ZNF778: variants seen among roughly 807,000 people sequenced by gnomAD.
ZNF778 encodes zinc finger protein 778.
ZNF778 carries 37 observed loss-of-function variants against 23.9 expected under a neutral mutation model. The ratio of observed to expected loss-of-function variants is 1.54; its 90% confidence interval spans 1.19 to 2.03. ZNF778 has a LOEUF of 2.03. ZNF778 is among the 30% of genes most tolerant of loss of function. The pLI is 0.00. For synonymous variants in ZNF778, 483 were observed against 343.9 expected, an observed-to-expected ratio of 1.40 and a Z score of -4.48; for missense variants, 1,297 against 934.4, an observed-to-expected ratio of 1.39 and a Z score of -5.06.
Position 89,235,455 on chromosome 16 carries a change from G to A in ZNF778, c.*6893G>A, listed in dbSNP as rs543306666. The A allele has an allele frequency of 6.6e-6, 1 of 152,324 alleles. No homozygotes were observed. The highest frequency in any genetic ancestry group is 1.9e-4 in the East Asian group (1 of 5,186). 9.4% of individuals were successfully genotyped at this position (152,324 alleles called of 1,614,324 possible). A position where few individuals can be genotyped will look rare whatever the true frequency, so the allele number is the denominator to read the frequency against. On this transcript the variant is annotated 3_prime_UTR_variant, in exon 7 of 7. Transcript: ENST00000433976. Reference sequence around the variant, plus strand: ...CTGTAGGTGGACGAGCCTCGCCCGAGAAGAGACATGAGCAGTTCTGCGTAG... The same window carrying A: ...CTGTAGGTGGACGAGCCTCGCCCGAAAAGAGACATGAGCAGTTCTGCGTAG...
rs2031134937 is a variant in ZNF778, at chr16:89,223,171, T to C, written c.132T>C (p.Phe44=). 3 of 1,613,632 alleles carry C rather than the reference T, an allele frequency of 1.9e-6. No homozygotes were observed. The highest frequency in any genetic ancestry group is 1.3e-5 in the African/African-American group (1 of 74,882). Residue 44 remains phenylalanine, a synonymous_variant, in exon 4 of 7, where the codon TTT becomes TTC. Coordinates refer to ENST00000433976, the MANE Select transcript of ZNF778 (RefSeq NM_001201407.2). The part of the protein sequence containing the change: ...LINCYQDAVT[F]DDVAVDFTQE... ...TGATGATTTAGGACGCGGTGACCTTTGACGACGTGGCTGTGGACTTCACCC... is the reference window on the plus strand; with the variant it reads ...TGATGATTTAGGACGCGGTGACCTTCGACGACGTGGCTGTGGACTTCACCC...
In ZNF778 at chr16:89,232,687, C is replaced by A; in HGVS notation, c.*4125C>A. ...GGTACATTTTCATCCTGGGGTCTTG[C>A]TGTGGGGGCTAGACCGTCCCTCTCA... On this transcript the variant is annotated 3_prime_UTR_variant, in exon 7 of 7. Coordinates refer to ENST00000433976, the MANE Select transcript of ZNF778 (RefSeq NM_001201407.2). The A allele has an allele frequency of 1.6e-6, 2 of 1,243,882 alleles. No individual in the cohort carries two copies. The highest frequency in any genetic ancestry group is 2.1e-6 in the Non-Finnish European group (2 of 962,088). 77.1% of individuals were successfully genotyped at this position (1,243,882 alleles called of 1,614,324 possible).
chr16:89,228,944 G>T lies in ZNF778; in HGVS notation c.*382G>T. 9.9e-7 allele frequency: 1 copy of T among 1,005,102 alleles called. No homozygotes were observed. The highest frequency in any genetic ancestry group is 4.3e-5 in the South Asian group (1 of 22,996). The allele number at this position is 1,005,102 out of a possible 1,614,324, so 62.3% of individuals were successfully genotyped here. ...CATCTTTCCTCACCCTTTAGTAAAC[G>T]TGGTGATTGACACTTGAAGTGTTGT... On this transcript the variant is annotated 3_prime_UTR_variant, in exon 7 of 7. Transcript: ENST00000433976.
At chr16:89,224,929 G>A (rs1446834658) in intron 5 of ZNF778, 127 bp downstream of exon 5, 7 of 682,038 alleles carry the variant, frequency 1.0e-5, no homozygotes, top group Middle Eastern at 3.9e-4. Flanking sequence ...CCTGAGTGTC[G>A]AGTTTAGCGG....
rs1441884643 is a variant in ZNF778 at position 89,233,591 on chromosome 16, ACT to A, written c.*5031_*5032del. The A allele has an allele frequency of 8.9e-7, 1 of 1,127,608 alleles. No individual in the cohort carries two copies. Among genetic ancestry groups the A allele is most frequent in the South Asian group, 1.4e-5 (1 of 71,264 alleles). 69.9% of individuals were successfully genotyped at this position (1,127,608 alleles called of 1,614,324 possible). On this transcript the variant is annotated 3_prime_UTR_variant, in exon 7 of 7. Coordinates refer to ENST00000433976, the MANE Select transcript of ZNF778 (RefSeq NM_001201407.2). ...CAGCTCGCACTGCATATGCAACGCA[ACT>A]CAACTCATACTGCATATGCAACTCA...
Position 89,231,905 on chromosome 16 carries a change from C to T in ZNF778, c.*3343C>T, listed in dbSNP as rs559083638. On this transcript the variant is annotated 3_prime_UTR_variant, in exon 7 of 7. Coordinates refer to ENST00000433976, the MANE Select transcript of ZNF778 (RefSeq NM_001201407.2). ...ATACTAACTGTTTGCTTCATACCCT[C>T]CTGCAGCAGAACTACAGACCTGCCA... The T allele has an allele frequency of 8.5e-5, 13 of 152,348 alleles. No individual in the cohort carries two copies. The highest frequency in any genetic ancestry group is 1.6e-4 in the Non-Finnish European group (11 of 68,170). The allele number at this position is 152,348 out of a possible 1,614,324, so 9.4% of individuals were successfully genotyped here.
chr16:89,232,722 A>C lies in ZNF778; in HGVS notation c.*4160A>C. ...TAGACCGTCCCTCTCAGGCTAGATC[A>C]TTCCTAAAGATGGTAAACAACTTGC... On this transcript the variant is annotated 3_prime_UTR_variant, in exon 7 of 7. Coordinates refer to ENST00000433976, the MANE Select transcript of ZNF778 (RefSeq NM_001201407.2). The C allele has an allele frequency of 7.8e-7, 1 of 1,278,114 alleles. No homozygotes were observed. 79.2% of individuals were successfully genotyped at this position (1,278,114 alleles called of 1,614,324 possible).
At chr16:89,225,411 C>T (rs2031384662) in intron 5 of ZNF778, 144 bp from the exon 6 acceptor site, 3 of 590,848 alleles carry the variant, frequency 5.1e-6, no homozygotes, top group Admixed American at 3.1e-5. Context: ...TAAATTATGA[C>T]TCCCAGTTCC....
At chr16:89,220,357 T>C (rs1487902010) in intron 1 of ZNF778, among the ~76,000 whole-genome samples, 1 of 151,960 alleles carries the variant, frequency 6.6e-6, no homozygotes, top group Admixed American at 6.6e-5. Context: ...GACTCAGGAG[T>C]ACAAACTGAC....
At position 89,231,959 on chromosome 16, in the gene ZNF778, A is replaced by T. The variant is rs981359777; in HGVS notation, c.*3397A>T. ...TGATAATTGTCAAACTCATCCCTTTATCACCTTTATAACTCCTCAAGGATA... is the reference window on the plus strand; with the variant it reads ...TGATAATTGTCAAACTCATCCCTTTTTCACCTTTATAACTCCTCAAGGATA... On this transcript the variant is annotated 3_prime_UTR_variant, in exon 7 of 7. Transcript: ENST00000433976. The T allele has an allele frequency of 6.6e-6, 1 of 152,446 alleles. No homozygotes were observed. The highest frequency in any genetic ancestry group is 1.5e-5 in the Non-Finnish European group (1 of 68,288). The allele number at this position is 152,446 out of a possible 1,614,324, so 9.4% of individuals were successfully genotyped here. A position where few individuals can be genotyped will look rare whatever the true frequency, so the allele number is the denominator to read the frequency against.
chr16:89,221,262 T>C, intron 2 of ZNF778, 110 bp downstream of exon 2: 2 of 1,298,060 alleles, frequency 1.5e-6, no homozygotes, highest in African/African-American at 1.5e-5. Flanking sequence ...GGGTTCCTAT[T>C]GCAGCTGCTG....
rs1170597426 is a variant in ZNF778 at position 89,218,318 on chromosome 16, T to C, written c.-132+408T>C. ...GCAATCGTTTTACTCCTTTTTAGCTTTGGGCCATGTTTTCTCTCTCCCCCA... is the reference window on the plus strand; with the variant it reads ...GCAATCGTTTTACTCCTTTTTAGCTCTGGGCCATGTTTTCTCTCTCCCCCA... On this transcript the variant is annotated intron_variant, in intron 1 of 6. Transcript: ENST00000433976. 3.9e-5 allele frequency: 6 copies of C among 152,230 alleles called. No individual in the cohort carries two copies. In the East Asian group the frequency reaches 9.6e-4, roughly 24 times the overall value. The allele number at this position is 152,230 out of a possible 1,614,324, so 9.4% of individuals were successfully genotyped here.
chr16:89,217,910 G>A lies in ZNF778; in HGVS notation c.-132G>A, dbSNP rs906399656. 3.3e-5 allele frequency: 5 copies of A among 152,298 alleles called. No individual in the cohort carries two copies. The highest frequency in any genetic ancestry group is 5.9e-5 in the Non-Finnish European group (4 of 68,066). The allele number at this position is 152,298 out of a possible 1,614,324, so 9.4% of individuals were successfully genotyped here. ...GGCAGCGCTTCCATTCCGCGGAGCT[G>A]GTGAGAGAGGGGCCCTTTGCTTCCT... On this transcript the variant is annotated splice_region_variant and 5_prime_UTR_variant, in exon 1 of 7. Coordinates refer to ENST00000433976, the MANE Select transcript of ZNF778 (RefSeq NM_001201407.2).
Sources: gnomAD v4.1 joint callset for allele counts (sites outside exome capture counted in the v4.1 genomes callset) on GRCh38, gnomAD v4.1.1 for gene constraint, MANE v1.5 for transcripts, NCBI Gene and HGNC (gene_info 2026-07-23, HGNC 2026-07-21) for gene names.